Variants in CACNA1C observed in about 807,000 individuals in gnomAD.
CACNA1C encodes the protein voltage-dependent L-type calcium channel subunit alpha-1C.
CACNA1C carries 30 observed loss-of-function variants against 229.0 expected under a neutral mutation model. The observed-to-expected ratio is 0.13, with a 90% CI of 0.10 to 0.18. The LOEUF (loss-of-function observed/expected upper bound fraction) is 0.18. CACNA1C is among the 10% of genes least tolerant of loss of function. The probability of loss-of-function intolerance (pLI) is 1.00; values close to 1 mark genes in which losing one functional copy is unlikely to be tolerated. For synonymous variants in CACNA1C, 1,114 were observed against 1,132.5 expected, an observed-to-expected ratio of 0.98 and a Z score of 0.33; for missense variants, 1,658 against 2,845.0, an observed-to-expected ratio of 0.58 and a Z score of 9.49.
intron 3 of CACNA1C, among the ~76,000 whole-genome samples, chr12:2,187,527 A>G (rs112135618): frequency 8.5e-6 from 1 of 117,048 alleles, no homozygotes; most frequent in Non-Finnish European, 1.8e-5. Context: ...GCATCTGCGC[A>G]GGGCTTAGTT....
chr12:2,452,422 G>A (rs921623382), intron 4 of CACNA1C, among the ~76,000 whole-genome samples: 3 of 152,078 alleles, frequency 2.0e-5, no homozygotes. Flanking sequence ...TCCCTAGCAG[G>A]GTGGAGGCCC....
Position 2,669,045 on chromosome 12 carries a change from C to T in CACNA1C, c.4726+10C>T, listed in dbSNP as rs1364395580. 6.4e-7 allele frequency: 1 copy of T among 1,570,278 alleles called. No individual in the cohort carries two copies. Among genetic ancestry groups the T allele is most frequent in the Admixed American group, 1.7e-5 (1 of 59,968 alleles). The stretch of plus-strand genomic sequence containing the variant: ...AGGATCAAAACAGAAGGTAAGGTCG[C>T]CCGTGGGCACTGGGAGAGACACTCA... On this transcript the variant is annotated intron_variant, in intron 38 of 46. Coordinates refer to ENST00000399655, the MANE Select transcript of CACNA1C (RefSeq NM_000719.7).
chr12:2,664,107 C>T (rs2095936963), intron 34 of CACNA1C, among the ~76,000 whole-genome samples: 2 of 152,210 alleles, frequency 1.3e-5, no homozygotes, highest in Non-Finnish European at 2.9e-5. Context: ...CAAGCAAAAA[C>T]ATGAACATGC....
At chr12:2,295,373 T>C (rs778709210) in intron 3 of CACNA1C, among the ~76,000 whole-genome samples, 27 of 152,178 alleles carry the variant, frequency 1.8e-4, no homozygotes, top group Non-Finnish European at 3.7e-4. Flanking sequence ...ACTTCCTTCT[T>C]GAAGCCTTCT....
intron 1 of CACNA1C, among the ~76,000 whole-genome samples, chr12:2,018,061 G>A (rs113179274): frequency 2.4e-4 from 37 of 152,172 alleles, no homozygotes; most frequent in African/African-American, 8.7e-4. Context: ...GGTTGCAGAC[G>A]CGTGGTCTAA....
intron 3 of CACNA1C, among the ~76,000 whole-genome samples, chr12:2,431,987 G>T (rs2099090270): frequency 6.6e-6 from 1 of 152,146 alleles, no homozygotes; most frequent in Non-Finnish European, 1.5e-5. Context: ...ATAAGGCCGT[G>T]AATCACTTTT....
intron 9 of CACNA1C, among the ~76,000 whole-genome samples, chr12:2,544,823 C>G (rs1043067139): frequency 6.6e-6 from 1 of 152,190 alleles, no homozygotes; most frequent in Non-Finnish European, 1.5e-5. Flanking sequence ...ATTCGTTCAA[C>G]TTTTGAAGCA....
At chr12:2,672,798 C>T (rs2096623259) in intron 38 of CACNA1C, among the ~76,000 whole-genome samples, 1 of 152,192 alleles carries the variant, frequency 6.6e-6, no homozygotes, top group South Asian at 2.1e-4. Flanking sequence ...TTTGGGAGGA[C>T]ACTATTCAGC....
At chr12:2,078,843 G>A (rs560731305) in intron 1 of CACNA1C, among the ~76,000 whole-genome samples, 5 of 151,742 alleles carry the variant, frequency 3.3e-5, no homozygotes, top group African/African-American at 1.2e-4. Context: ...TGTTTATTGC[G>A]GCACTATTCA....
chr12:2,166,647 T>C lies in CACNA1C; in HGVS notation c.477+46217T>C, dbSNP rs140992892. Among the ~76,000 whole-genome samples, 3 of 152,356 alleles carry C rather than the reference T, an allele frequency of 2.0e-5. No homozygotes were observed. The East Asian group carries it at 5.8e-4, about 29-fold the overall frequency. ...TGGCAGCAATGTAATGTATCCCTCA[T>C]AGCGTTGTTAGGAGGACTAAATGGG... On this transcript the variant is annotated intron_variant, in intron 3 of 46. Transcript: ENST00000399655.
chr12:2,447,982 G>A (rs1039277796), intron 3 of CACNA1C, among the ~76,000 whole-genome samples: 2 of 152,270 alleles, frequency 1.3e-5, no homozygotes, highest in African/African-American at 2.4e-5. Flanking sequence ...GATGGCTGAG[G>A]CTTCTGCAGA....
chr12:2,365,960 A>G (rs183215776), intron 3 of CACNA1C, among the ~76,000 whole-genome samples: 3 of 152,360 alleles, frequency 2.0e-5, no homozygotes, highest in East Asian at 3.9e-4. Flanking sequence ...ATATGAAGAC[A>G]TATGAAAATA....
intron 9 of CACNA1C, among the ~76,000 whole-genome samples, chr12:2,518,568 A>C (rs1408428560): frequency 1.3e-5 from 2 of 151,564 alleles, no homozygotes; most frequent in Admixed American, 6.6e-5. Flanking sequence ...AGATCGCGCC[A>C]CTGCACTCCA....
chr12:2,586,518 C>T (rs911832883), intron 18 of CACNA1C, among the ~76,000 whole-genome samples: 3 of 152,210 alleles, frequency 2.0e-5, no homozygotes, highest in African/African-American at 4.8e-5. Context: ...CCCTGAAATC[C>T]CATACCCTGT....
chr12:2,293,387 G>A (rs1344382744), intron 3 of CACNA1C, among the ~76,000 whole-genome samples: 1 of 152,192 alleles, frequency 6.6e-6, no homozygotes, highest in Non-Finnish European at 1.5e-5. Flanking sequence ...AATGTCCAGT[G>A]TGCGTAATTG....
At position 2,188,755 on chromosome 12, in the gene CACNA1C, G is replaced by A. The variant is rs1049342680; in HGVS notation, c.477+68325G>A. Among the ~76,000 whole-genome samples, 6 of 151,972 alleles carry A rather than the reference G, an allele frequency of 3.9e-5. No individual in the cohort carries two copies. The East Asian group carries it at 5.8e-4, about 15-fold the overall frequency. On this transcript the variant is annotated intron_variant, in intron 3 of 46. Transcript: ENST00000399655. ...CTGAGAAATGTGGAAAATTTCTGAC[G>A]ATCCCAGATGATACTAAATCAGTTG...
chr12:2,010,271 A>C (rs921045969), intron 1 of CACNA1C, among the ~76,000 whole-genome samples: 1 of 152,238 alleles, frequency 6.6e-6, no homozygotes, highest in Non-Finnish European at 1.5e-5. Flanking sequence ...TAGGAGACAT[A>C]GCTCTTTGTT....
chr12:2,102,560 T>G (rs1314749944), intron 1 of CACNA1C, among the ~76,000 whole-genome samples: 4 of 152,196 alleles, frequency 2.6e-5, no homozygotes, highest in East Asian at 3.8e-4. Flanking sequence ...TAGATGGCTG[T>G]CTGTCCTCAG....
intron 38 of CACNA1C, among the ~76,000 whole-genome samples, chr12:2,671,623 T>C (rs972341576): frequency 4.6e-5 from 7 of 152,166 alleles, no homozygotes; most frequent in African/African-American, 1.7e-4. Context: ...GAAGCAAGAA[T>C]TCAGCAGGGT....
Sources: allele counts gnomAD v4.1 joint callset (sites outside exome capture counted in the v4.1 genomes callset), GRCh38; gene constraint gnomAD v4.1.1; transcripts MANE v1.5; gene names NCBI Gene and HGNC (gene_info 2026-07-23, HGNC 2026-07-21).